The following ATP11B variants were observed in gnomAD, a reference collection of about 807,000 sequenced individuals.
The protein encoded by ATP11B is phospholipid-transporting ATPase IF.
ATP11B carries 81 observed loss-of-function variants against 157.8 expected under a neutral mutation model. The observed-to-expected ratio is 0.51, with a 90% CI of 0.43 to 0.62. ATP11B has a LOEUF of 0.62. ATP11B is among the 20% of genes least tolerant of loss of function. The probability of loss-of-function intolerance (pLI) is 0.00; values close to 1 mark genes in which losing one functional copy is unlikely to be tolerated. For missense variants in ATP11B, 1,165 were observed against 1,402.2 expected (o/e 0.83, Z 2.70); for synonymous variants, 451 against 469.4 (o/e 0.96, Z 0.51).
At chr3:182,859,085 C>A in intron 11 of ATP11B, 77 bp from the exon 12 acceptor site, 17 of 1,045,086 alleles carry the variant, frequency 1.6e-5, no homozygotes, top group Non-Finnish European at 2.4e-5. Flanking sequence ...ATGAAACTTT[C>A]TGGTAATTTT....
In ATP11B at chr3:182,869,144, A is replaced by G; in HGVS notation, c.1755A>G (p.Ala585=). 1 of 1,609,896 alleles carries G rather than the reference A, an allele frequency of 6.2e-7. No homozygotes were observed. Among genetic ancestry groups the G allele is most frequent in the Non-Finnish European group, 8.5e-7 (1 of 1,177,806 alleles). The change falls in exon 16 of 30, where the codon GCA becomes GCG. Residue 585 remains alanine, a synonymous_variant. Transcript: ENST00000323116. ...DRRRMSVIVQ[A]PSGEKLLFAK... ...GGAGAATGAGTGTAATTGTTCAGGC[A>G]CCTTCAGGTAACCAATCTAAACTTT...
intron 4 of ATP11B, among the ~76,000 whole-genome samples, chr3:182,830,708 G>T (rs1383405048): frequency 6.6e-6 from 1 of 152,166 alleles, no homozygotes. Context: ...CTGGGATGAA[G>T]TATATTCTTT....
At chr3:182,877,292 C>T (rs1034852546) in intron 19 of ATP11B, among the ~76,000 whole-genome samples, 3 of 152,054 alleles carry the variant, frequency 2.0e-5, no homozygotes, top group African/African-American at 7.2e-5. Context: ...TCCTGTGGGG[C>T]GAAATGTTCA....
intron 1 of ATP11B, among the ~76,000 whole-genome samples, chr3:182,797,845 G>A (rs2108479180): frequency 6.6e-6 from 1 of 152,034 alleles, no homozygotes; most frequent in African/African-American, 2.4e-5. Flanking sequence ...TTTTTAAAGT[G>A]GTTAGAAATT....
rs200701994 is a variant in ATP11B, at chr3:182,874,231, T to TG, written c.2252+218dup. Among the ~76,000 whole-genome samples, 318 of 152,376 alleles carry TG rather than the reference T, an allele frequency of 2.1e-3. 3 individuals carry two copies. The highest frequency in any genetic ancestry group is 0.01 in the Middle Eastern group (3 of 294). On this transcript the variant is annotated intron_variant, in intron 19 of 29. Transcript: ENST00000323116. ...AATTCCAGTGTCTATAAAGTTTGAT[T>TG]GGAACACAATCACATTCATTTGTTT...
At chr3:182,903,926 T>C (rs1724149705) in intron 28 of ATP11B, among the ~76,000 whole-genome samples, 1 of 151,956 alleles carries the variant, frequency 6.6e-6, no homozygotes, top group Non-Finnish European at 1.5e-5. Flanking sequence ...CTTAAACCAC[T>C]TTTTTTTAGC....
chr3:182,906,916 G>A (rs942090588), intron 28 of ATP11B, among the ~76,000 whole-genome samples: 3 of 151,744 alleles, frequency 2.0e-5, no homozygotes, highest in African/African-American at 4.8e-5. Flanking sequence ...GTGAAACCCC[G>A]TCTCTACTAA....
intron 28 of ATP11B, among the ~76,000 whole-genome samples, chr3:182,901,025 CA>C (rs1418620407): frequency 1.3e-5 from 2 of 151,528 alleles, no homozygotes; most frequent in African/African-American, 2.4e-5. Context: ...ACTAAAAATA[CA>C]AAAAAAATTA....
intron 8 of ATP11B, chr3:182,843,742 A>G (rs1203714741): frequency 6.6e-6 from 1 of 152,176 alleles, no homozygotes; most frequent in Non-Finnish European, 1.5e-5. Flanking sequence ...TTGACATTCT[A>G]CCTCTTTTCT....
intron 1 of ATP11B, among the ~76,000 whole-genome samples, chr3:182,817,919 ACT>A (rs1198700204): frequency 6.6e-6 from 1 of 152,144 alleles, no homozygotes; most frequent in African/African-American, 2.4e-5. Context: ...AGATTTACGT[ACT>A]GTTTGAGGCC....
chr3:182,894,629 A>G (rs997949915), intron 25 of ATP11B, among the ~76,000 whole-genome samples: 1 of 152,178 alleles, frequency 6.6e-6, no homozygotes, highest in African/African-American at 2.4e-5. Context: ...GTATAATTTT[A>G]CCCACAAAAA....
At chr3:182,799,579 T>G (rs970802032) in intron 1 of ATP11B, among the ~76,000 whole-genome samples, 3 of 152,086 alleles carry the variant, frequency 2.0e-5, no homozygotes, top group Non-Finnish European at 2.9e-5. Flanking sequence ...CCGGCCCGAG[T>G]GCTGATCATT....
intron 23 of ATP11B, among the ~76,000 whole-genome samples, chr3:182,886,285 G>T (rs1404107059): frequency 1.3e-5 from 2 of 152,016 alleles, no homozygotes; most frequent in African/African-American, 4.8e-5. Context: ...AGAGAATTTT[G>T]ATAACTTATT....
In ATP11B at chr3:182,921,229, A is replaced by G. The variant is rs1725464244; in HGVS notation, c.*3125A>G. On this transcript the variant is annotated 3_prime_UTR_variant, in exon 30 of 30. Transcript: ENST00000323116. ...ATAAGCAGGTATTAATAAAAATAAC[A>G]CACCAAAGAGTTACGTAAAACATGT... The G allele has an allele frequency of 6.6e-6, 1 of 152,238 alleles. No individual in the cohort carries two copies. The highest frequency in any genetic ancestry group is 1.5e-5 in the Non-Finnish European group (1 of 68,038). 9.4% of individuals were successfully genotyped at this position (152,238 alleles called of 1,614,324 possible). A position where few individuals can be genotyped will look rare whatever the true frequency, so the allele number is the denominator to read the frequency against.
At chr3:182,819,558 T>A (rs1307387082) in intron 1 of ATP11B, among the ~76,000 whole-genome samples, 1 of 152,208 alleles carries the variant, frequency 6.6e-6, no homozygotes, top group Admixed American at 6.5e-5. Flanking sequence ...CTTCTCAATC[T>A]GAGGTCAGGA....
intron 1 of ATP11B, among the ~76,000 whole-genome samples, chr3:182,816,577 AGTTT>A (rs1716980317): frequency 6.6e-6 from 1 of 152,220 alleles, no homozygotes; most frequent in Non-Finnish European, 1.5e-5. Context: ...TTTTGTTAAT[AGTTT>A]GTTTTGACTC....
At chr3:182,836,180 T>C in intron 5 of ATP11B, 38 bp downstream of exon 5, 1 of 1,583,092 alleles carries the variant, frequency 6.3e-7, no homozygotes, top group East Asian at 2.2e-5. Context: ...AACTTTATCT[T>C]GATATCACAG....
At chr3:182,809,611 T>C (rs1483476553) in intron 1 of ATP11B, among the ~76,000 whole-genome samples, 4 of 152,204 alleles carry the variant, frequency 2.6e-5, no homozygotes, top group African/African-American at 9.6e-5. Flanking sequence ...CCATTTTGCT[T>C]GCTGGGTTCC....
At chr3:182,881,080 C>G (rs1560109583) in intron 21 of ATP11B, 99 bp downstream of exon 21, 3 of 771,692 alleles carry the variant, frequency 3.9e-6, no homozygotes, top group Non-Finnish European at 6.1e-6. Flanking sequence ...AGTACAGTAT[C>G]AAATTTGTGA....
Sources: allele counts gnomAD v4.1 joint callset (sites outside exome capture counted in the v4.1 genomes callset), GRCh38; gene constraint gnomAD v4.1.1; transcripts MANE v1.5; gene names NCBI Gene and HGNC (gene_info 2026-07-23, HGNC 2026-07-21).